Variants in SMAP2 observed in about 807,000 individuals in gnomAD.
SMAP2 encodes the protein small ArfGAP2, also known as stromal membrane-associated protein 2.
Under a neutral mutation model 56.4 loss-of-function variants are expected in SMAP2, and 25 were observed. That is an observed-to-expected ratio of 0.44 (90% CI 0.32 to 0.62). The LOEUF (loss-of-function observed/expected upper bound fraction) is 0.62, where lower values mean the gene tolerates loss of function less well. SMAP2 is among the 20% of genes least tolerant of loss of function. SMAP2 has a pLI of 0.04. For missense variants in SMAP2, 388 were observed against 545.6 expected (o/e 0.71, Z 2.88); for synonymous variants, 157 against 181.7 (o/e 0.86, Z 1.09).
rs971253467 is a variant in SMAP2, at chr1:40,422,316, C to T, written c.*215C>T. 1.6e-5 allele frequency: 9 copies of T among 556,142 alleles called. No individual in the cohort carries two copies. Among genetic ancestry groups the T allele is most frequent in the African/African-American group, 1.1e-4 (6 of 52,498 alleles). 34.5% of individuals were successfully genotyped at this position (556,142 alleles called of 1,614,324 possible). ...TGTACATGCCCCATAGCCATCCCAA[C>T]GTCCTCCCCAGTCCTCTCCTGGCAC... On this transcript the variant is annotated 3_prime_UTR_variant, in exon 10 of 10. Transcript: ENST00000372718.
chr1:40,380,949 A>G lies in SMAP2; in HGVS notation c.103+6726A>G, dbSNP rs113322977. ...AGATCACATATATTTCTGGTTTTTT[A>G]TAGCTAGTGCACTATAACTCTGACA... On this transcript the variant is annotated intron_variant, in intron 1 of 9. Coordinates refer to ENST00000372718, the MANE Select transcript of SMAP2 (RefSeq NM_022733.3). Among the ~76,000 whole-genome samples the G allele has an allele frequency of 1.3e-4, 20 of 152,356 alleles. 1 individual carries two copies. The highest frequency in any genetic ancestry group is 3.6e-4 in the African/African-American group (15 of 41,588).
intron 1 of SMAP2, among the ~76,000 whole-genome samples, chr1:40,404,581 T>C (rs1644867820): frequency 6.6e-6 from 1 of 152,244 alleles, no homozygotes; most frequent in Non-Finnish European, 1.5e-5. Context: ...AGCTGACTTT[T>C]AATTTTTAAT....
At chr1:40,349,629 G>A (rs1644402173) in intron 1 of SMAP2, among the ~76,000 whole-genome samples, 1 of 151,590 alleles carries the variant, frequency 6.6e-6, no homozygotes, top group African/African-American at 2.4e-5. Flanking sequence ...AGTGATTCTC[G>A]TGCCTCAGCC....
intron 9 of SMAP2, 132 bp downstream of exon 9, chr1:40,417,228 C>CTT (rs34036744): frequency 5.2e-3 from 2,226 of 426,452 alleles, no homozygotes; most frequent in South Asian, 0.011. Flanking sequence ...GTTAGGTTTG[C>CTT]TTTTTTTTTT....
chr1:40,380,529 C>CTTTTTTTTTTTT lies in SMAP2; in HGVS notation c.103+6317_103+6318insTTTTTTTTTTTT, dbSNP rs370625950. 7.0e-5 allele frequency among the ~76,000 whole-genome samples: 10 copies of CTTTTTTTTTTTT among 142,878 alleles called. 1 individual carries two copies. The highest frequency in any genetic ancestry group is 7.9e-5 in the African/African-American group (3 of 37,900). The allele number at this position is 142,878 out of a possible 152,430, so 93.7% of individuals were successfully genotyped here. A position where few individuals can be genotyped will look rare whatever the true frequency, so the allele number is the denominator to read the frequency against. Reference sequence around the variant, plus strand: ...AATTATTTTAGCTGTATCTGTGGCACTTTTTTTTTTTCTCTTTTGAGATGG... The same window carrying CTTTTTTTTTTTT: ...AATTATTTTAGCTGTATCTGTGGCACTTTTTTTTTTTTTTTTTTTTTTTCTCTTTTGAGATGG... On this transcript the variant is annotated intron_variant, in intron 1 of 9. Coordinates refer to ENST00000372718, the MANE Select transcript of SMAP2 (RefSeq NM_022733.3).
chr1:40,417,227 GC>G (rs1644997989), intron 9 of SMAP2, 131 bp downstream of exon 9: 11 of 499,640 alleles, frequency 2.2e-5, no homozygotes, highest in South Asian at 1.2e-4. Flanking sequence ...TGTTAGGTTT[GC>G]TTTTTTTTTT....
rs1236420177 is a variant in SMAP2, at chr1:40,373,807, G to A, written c.-314G>A. On this transcript the variant is annotated 5_prime_UTR_variant, in exon 1 of 10. Transcript: ENST00000372718. ...AGGCCAGCAGACAGGCCGGCCAGAGGGTCATCTGCGTCCGGCACCCAGGAG... is the reference window on the plus strand; with the variant it reads ...AGGCCAGCAGACAGGCCGGCCAGAGAGTCATCTGCGTCCGGCACCCAGGAG... The A allele has an allele frequency of 2.1e-5, 5 of 241,694 alleles. No individual in the cohort carries two copies. Among genetic ancestry groups the A allele is most frequent in the Non-Finnish European group, 4.0e-5 (5 of 123,480 alleles). 15.0% of individuals were successfully genotyped at this position (241,694 alleles called of 1,614,324 possible). A position where few individuals can be genotyped will look rare whatever the true frequency, so the allele number is the denominator to read the frequency against.
chr1:40,386,013 ACAT>A lies in SMAP2; in HGVS notation c.103+11794_103+11796del, dbSNP rs1469912014. On this transcript the variant is annotated intron_variant, in intron 1 of 9. Transcript: ENST00000372718. This position sits in a 1 kb window ranked among gnomAD's most constrained non-coding sequence, Gnocchi z 4.1. The stretch of plus-strand genomic sequence containing the variant: ...ACAGAATTTTCTGTGTGAACTGGTG[ACAT>A]CATATGCTGTAGTGTAAAGCTTGTA... Among the ~76,000 whole-genome samples the A allele has an allele frequency of 6.6e-6, 1 of 152,176 alleles. No homozygotes were observed. Among genetic ancestry groups the A allele is most frequent in the Non-Finnish European group, 1.5e-5 (1 of 68,028 alleles).
At chr1:40,355,984 A>G (rs947858961) in intron 1 of SMAP2, among the ~76,000 whole-genome samples, 2 of 151,574 alleles carry the variant, frequency 1.3e-5, no homozygotes, top group African/African-American at 2.4e-5. Context: ...CCCCACCCCC[A>G]CTAACCTTCC....
At chr1:40,346,398 C>A (rs991957718) in intron 1 of SMAP2, among the ~76,000 whole-genome samples, 2 of 151,060 alleles carry the variant, frequency 1.3e-5, no homozygotes, top group Middle Eastern at 3.2e-3. Context: ...GAAACAAAGT[C>A]TAGCTTTGTT....
chr1:40,411,701 T>G (rs1378398372), intron 4 of SMAP2, among the ~76,000 whole-genome samples: 1 of 152,228 alleles, frequency 6.6e-6, no homozygotes, highest in African/African-American at 2.4e-5. Flanking sequence ...GAAAAGAAAC[T>G]GGCTTTGTTA....
At chr1:40,391,647 G>A (rs1005181743) in intron 1 of SMAP2, among the ~76,000 whole-genome samples, 9 of 152,100 alleles carry the variant, frequency 5.9e-5, no homozygotes, top group African/African-American at 2.2e-4. Context: ...AAAGTGGTGG[G>A]GTGAGGAATC....
At chr1:40,355,297 T>C (rs1644430516) in intron 1 of SMAP2, among the ~76,000 whole-genome samples, 1 of 152,194 alleles carries the variant, frequency 6.6e-6, no homozygotes, top group South Asian at 2.1e-4. Flanking sequence ...TAATGATGAG[T>C]ATCAGTGCCT....
intron 1 of SMAP2, among the ~76,000 whole-genome samples, chr1:40,392,133 A>C (rs1644723100): frequency 1.3e-5 from 2 of 151,996 alleles, no homozygotes; most frequent in South Asian, 4.1e-4. Context: ...CAAGAAATCT[A>C]ATCTTTGGAC....
chr1:40,359,705 T>C (rs542752617), intron 1 of SMAP2, among the ~76,000 whole-genome samples: 1 of 152,186 alleles, frequency 6.6e-6, no homozygotes, highest in Non-Finnish European at 1.5e-5. Flanking sequence ...TTATTTGAGG[T>C]TACCATAAGG....
chr1:40,393,215 A>T, intron 1 of SMAP2: 1 of 1,066,800 alleles, frequency 9.4e-7, no homozygotes, highest in Non-Finnish European at 1.3e-6. Context: ...AGTCCCAGCT[A>T]CTCAAGAAGC....
chr1:40,353,949 C>T (rs916051416), intron 1 of SMAP2, among the ~76,000 whole-genome samples: 1 of 152,026 alleles, frequency 6.6e-6, no homozygotes, highest in Non-Finnish European at 1.5e-5. Context: ...CTGGGGACCA[C>T]ACTTTGAGAA....
chr1:40,374,642 A>AGAGAG lies in SMAP2; in HGVS notation c.103+419_103+420insGAGAG. Reference sequence around the variant, plus strand: ...GTGTGTGTGAGAGAGAGAGAGAGAGAATGACGAGGAGGAGGAGGAGGGAAG... The same window carrying AGAGAG: ...GTGTGTGTGAGAGAGAGAGAGAGAGAGAGAGATGACGAGGAGGAGGAGGAGGGAAG... On this transcript the variant is annotated intron_variant, in intron 1 of 9. Transcript: ENST00000372718. The surrounding 1 kb of genome is among the most constrained non-coding windows in gnomAD (Gnocchi z 5.9). 1.3e-6 allele frequency: 2 copies of AGAGAG among 1,529,288 alleles called. No individual in the cohort carries two copies. The highest frequency in any genetic ancestry group is 8.8e-7 in the Non-Finnish European group (1 of 1,130,398). 94.7% of individuals were successfully genotyped at this position (1,529,288 alleles called of 1,614,324 possible).
At chr1:40,388,525 C>A (rs1027298995) in intron 1 of SMAP2, among the ~76,000 whole-genome samples, 7 of 152,086 alleles carry the variant, frequency 4.6e-5, no homozygotes, top group Non-Finnish European at 8.8e-5. Context: ...CTGTATCTAG[C>A]TACTCTTGGT....
Sources: allele counts gnomAD v4.1 joint callset (sites outside exome capture counted in the v4.1 genomes callset), GRCh38; gene constraint gnomAD v4.1.1; non-coding constraint Gnocchi (gnomAD v3.1); transcripts MANE v1.5; gene names NCBI Gene and HGNC (gene_info 2026-07-23, HGNC 2026-07-21).